The following DCBLD1 variants were observed in gnomAD, a reference collection of about 807,000 sequenced individuals.
DCBLD1 encodes discoidin, CUB and LCCL domain-containing protein 1.
DCBLD1 carries 57 observed loss-of-function variants against 71.5 expected under a neutral mutation model. The ratio of observed to expected loss-of-function variants is 0.80; its 90% CI spans 0.64 to 0.99. DCBLD1 has a LOEUF of 0.99. Ranked by LOEUF, DCBLD1 falls within the 50% of genes least tolerant of loss-of-function variation. The pLI is 0.00. For missense variants in DCBLD1, 891 were observed against 923.5 expected (o/e 0.96, Z 0.46); for synonymous variants, 380 against 363.8 (o/e 1.04, Z -0.51).
intron 6 of DCBLD1, 97 bp downstream of exon 6, chr6:117,532,490 A>AT (rs1778758382): frequency 7.1e-7 from 1 of 1,417,384 alleles, no homozygotes; most frequent in African/African-American, 1.4e-5. Context: ...CAGGGATGTG[A>AT]TAGCAAGGGT....
Position 117,503,793 on chromosome 6 carries a change from TATC to T in DCBLD1, c.141_143del (p.Tyr47_Gln48delinsTer), listed in dbSNP as rs1020561114. 2 of 1,613,976 alleles carry T rather than the reference TATC, an allele frequency of 1.2e-6. No homozygotes were observed. The highest frequency in any genetic ancestry group is 1.7e-6 in the Non-Finnish European group (2 of 1,179,998). On this transcript the variant is annotated stop_gained and inframe_deletion, in exon 2 of 15. Coordinates refer to ENST00000338728, the MANE Select transcript of DCBLD1 (RefSeq NM_001366458.2). LOFTEE classifies it high-confidence loss of function. ...TGATGGCTGTGGACACCTAGTGACT[TATC>T]AGGATAGTGGCACAATGACATCTAA...
chr6:117,538,856 G>C, intron 8 of DCBLD1, 21 bp downstream of exon 8: 1 of 1,596,306 alleles, frequency 6.3e-7, no homozygotes, highest in Non-Finnish European at 8.5e-7. Flanking sequence ...TAACACAAGT[G>C]CCAAGTGCAG....
chr6:117,485,834 C>T (rs1193295328), intron 1 of DCBLD1, among the ~76,000 whole-genome samples: 1 of 152,170 alleles, frequency 6.6e-6, no homozygotes, highest in Non-Finnish European at 1.5e-5. Context: ...TCTTGGCATG[C>T]TTATTTCTAT....
chr6:117,537,350 C>T, intron 7 of DCBLD1, 125 bp downstream of exon 7: 3 of 792,804 alleles, frequency 3.8e-6, no homozygotes, highest in Non-Finnish European at 6.1e-6. Flanking sequence ...CTGGCTAACA[C>T]AGTGAAACCC....
intron 5 of DCBLD1, among the ~76,000 whole-genome samples, chr6:117,527,345 C>T (rs565442044): frequency 1.3e-5 from 2 of 152,234 alleles, no homozygotes; most frequent in South Asian, 4.2e-4. Flanking sequence ...TTAGAGTCTG[C>T]CTCCACAGTG....
Position 117,548,538 on chromosome 6 carries a change from G to A in DCBLD1, c.*99G>A. The A allele has an allele frequency of 1.5e-5, 23 of 1,509,396 alleles. No homozygotes were observed. Among genetic ancestry groups the A allele is most frequent in the Non-Finnish European group, 2.0e-5 (23 of 1,133,680 alleles). The allele number at this position is 1,509,396 out of a possible 1,614,324, so 93.5% of individuals were successfully genotyped here. A position where few individuals can be genotyped will look rare whatever the true frequency, so the allele number is the denominator to read the frequency against. On this transcript the variant is annotated 3_prime_UTR_variant, in exon 15 of 15. Transcript: ENST00000338728. ...TGGTCCAGAGTGTGCGTGTGTATCGGTGTGTGTGTACACTTGCATGTGTGT... is the reference window on the plus strand; with the variant it reads ...TGGTCCAGAGTGTGCGTGTGTATCGATGTGTGTGTACACTTGCATGTGTGT...
intron 1 of DCBLD1, among the ~76,000 whole-genome samples, chr6:117,499,007 C>CT (rs1777559980): frequency 6.6e-6 from 1 of 152,036 alleles, no homozygotes; most frequent in Non-Finnish European, 1.5e-5. Flanking sequence ...AAAATAAACA[C>CT]TTTTTTGTGT....
chr6:117,532,063 T>C (rs1032217298), intron 5 of DCBLD1, among the ~76,000 whole-genome samples, 197 bp from the exon 6 acceptor site: 3 of 152,198 alleles, frequency 2.0e-5, no homozygotes, highest in African/African-American at 7.2e-5. Context: ...AGCTAGGCCC[T>C]GTTATCTGCA....
chr6:117,495,188 G>GTA (rs1562430439), intron 1 of DCBLD1, among the ~76,000 whole-genome samples: 1 of 151,700 alleles, frequency 6.6e-6, no homozygotes, highest in African/African-American at 2.4e-5. Context: ...GCCGATTAAA[G>GTA]CACACACACA....
At chr6:117,514,051 G>T (rs975955727) in intron 2 of DCBLD1, among the ~76,000 whole-genome samples, 2 of 152,122 alleles carry the variant, frequency 1.3e-5, no homozygotes, top group Non-Finnish European at 2.9e-5. Context: ...GGGTCTTTCC[G>T]TGGTTTCCCA....
chr6:117,549,250 C>T lies in DCBLD1; in HGVS notation c.*811C>T, dbSNP rs898081009. On this transcript the variant is annotated 3_prime_UTR_variant, in exon 15 of 15. Coordinates refer to ENST00000338728, the MANE Select transcript of DCBLD1 (RefSeq NM_001366458.2). Reference sequence around the variant, plus strand: ...GATTAAAAATATTGCTGAGGTCAGACGCCACAATTTTCATGACTTTCTTCA... The same window carrying T: ...GATTAAAAATATTGCTGAGGTCAGATGCCACAATTTTCATGACTTTCTTCA... The T allele has an allele frequency of 9.1e-6, 9 of 985,250 alleles. No homozygotes were observed. Among genetic ancestry groups the T allele is most frequent in the South Asian group, 4.7e-5 (1 of 21,288 alleles). 61.0% of individuals were successfully genotyped at this position (985,250 alleles called of 1,614,324 possible). A position where few individuals can be genotyped will look rare whatever the true frequency, so the allele number is the denominator to read the frequency against.
intron 3 of DCBLD1, among the ~76,000 whole-genome samples, chr6:117,520,780 CAGAAAAGCTCTGGG>C: frequency 6.6e-6 from 1 of 152,326 alleles, no homozygotes; most frequent in East Asian, 1.9e-4. Flanking sequence ...TCCTCTCTGG[CAGAAAAGCTCTGGG>C]AGTGAGGTGC....
intron 2 of DCBLD1, among the ~76,000 whole-genome samples, chr6:117,514,128 G>A (rs983410135): frequency 6.6e-6 from 1 of 152,060 alleles, no homozygotes; most frequent in Non-Finnish European, 1.5e-5. Context: ...TTAACTCTAG[G>A]AATGTAATTA....
At chr6:117,558,910 A>C (rs1338774962) in intron 14 of DCBLD1, among the ~76,000 whole-genome samples, 2 of 152,188 alleles carry the variant, frequency 1.3e-5, no homozygotes, top group Non-Finnish European at 2.9e-5. Flanking sequence ...CAGCAAGGGG[A>C]TAATGGGAAT....
intron 1 of DCBLD1, among the ~76,000 whole-genome samples, chr6:117,484,728 G>T (rs988693381): frequency 6.6e-6 from 1 of 152,094 alleles, no homozygotes; most frequent in Admixed American, 6.5e-5. Context: ...AGGCAATTTC[G>T]TATTAGACTT....
chr6:117,554,748 C>T (rs1779474636), downstream of DCBLD1, among the ~76,000 whole-genome samples: 2 of 152,126 alleles, frequency 1.3e-5, no homozygotes, highest in South Asian at 4.2e-4. Flanking sequence ...TAAAAATTGG[C>T]CGGGAGTGGT....
At chr6:117,553,982 G>T (rs1779463988), downstream of DCBLD1, among the ~76,000 whole-genome samples, 1 of 152,076 alleles carries the variant, frequency 6.6e-6, no homozygotes, top group Admixed American at 6.5e-5. Context: ...TACCTTATAG[G>T]GTTGTGGTGA....
chr6:117,483,888 G>A (rs941094092), intron 1 of DCBLD1, among the ~76,000 whole-genome samples: 1 of 151,826 alleles, frequency 6.6e-6, no homozygotes, highest in African/African-American at 2.4e-5. Flanking sequence ...AACCAATGCC[G>A]GCATTTTTTT....
chr6:117,540,955 C>T lies in DCBLD1; in HGVS notation c.1287C>T (p.Ser429=), dbSNP rs1266949123. 2.5e-6 allele frequency: 4 copies of T among 1,613,938 alleles called. No individual in the cohort carries two copies. Among genetic ancestry groups the T allele is most frequent in the Non-Finnish European group, 3.4e-6 (4 of 1,180,036 alleles). Residue 429 remains serine (S), a synonymous_variant, in exon 11 of 15, where the codon AGC becomes AGT. Coordinates refer to ENST00000338728, the MANE Select transcript of DCBLD1 (RefSeq NM_001366458.2). ...TGGTGTGGCGCAAGACAAGTCAAAG[C>T]ACCAGTGTTTCAACTAAGAAAGAAG... The part of the protein sequence containing the change: ...DSLVWRKTSQ[S]TSVSTKKEDE...
Sources: gnomAD v4.1 joint callset for allele counts (sites outside exome capture counted in the v4.1 genomes callset) on GRCh38, gnomAD v4.1.1 for gene constraint, MANE v1.5 for transcripts, NCBI Gene and HGNC (gene_info 2026-07-23, HGNC 2026-07-21) for gene names.